The following DNAH7 variants were observed in gnomAD, a reference collection of about 807,000 sequenced individuals.
DNAH7 encodes dynein axonemal heavy chain 7, also known as axonemal beta dynein heavy chain 7.
Under a neutral mutation model 444.6 loss-of-function variants are expected in DNAH7, and 397 were observed. That is an observed-to-expected ratio of 0.89 (90% CI 0.82 to 0.97). DNAH7 has a LOEUF of 0.97. DNAH7 is among the 50% of genes least tolerant of loss of function. The pLI, the probability that DNAH7 is intolerant of heterozygous loss-of-function variation, is 0.00. For missense variants in DNAH7, 4,902 were observed against 4,800.8 expected (o/e 1.02, Z -0.62); for synonymous variants, 1,636 against 1,624.4 (o/e 1.01, Z -0.17).
At chr2:195,751,355 G>A (rs1480313647) in intron 63 of DNAH7, among the ~76,000 whole-genome samples, 3 of 152,038 alleles carry the variant, frequency 2.0e-5, no homozygotes, top group South Asian at 2.1e-4. Flanking sequence ...GGTTGGGTTC[G>A]AGTCCATACA....
intron 9 of DNAH7, among the ~76,000 whole-genome samples, chr2:196,013,568 G>T (rs1694841741): frequency 6.6e-6 from 1 of 152,078 alleles, no homozygotes; most frequent in Admixed American, 6.6e-5. Flanking sequence ...TTTCCTTAAA[G>T]ACCAATGTAA....
rs1238802725 is a variant in DNAH7, at chr2:196,000,784, T to C, written c.1273A>G (p.Ile425Val). Residue 425 changes from isoleucine to valine, a missense_variant, in exon 12 of 65, where the codon ATC becomes GTC. Transcript: ENST00000312428. ...ATGACGTCATAAACATTTAGAAAGA[T>C]ATCTATATAGTCACTCAACTCAGGT... ...FEPELSDYID[I>V]FLNVYDVMIK... 2.5e-6 allele frequency: 4 copies of C among 1,606,236 alleles called. No individual in the cohort carries two copies. The highest frequency in any genetic ancestry group is 2.2e-5 in the East Asian group (1 of 44,668).
At chr2:195,831,329 G>A (rs1451193461) in intron 48 of DNAH7, among the ~76,000 whole-genome samples, 1 of 152,124 alleles carries the variant, frequency 6.6e-6, no homozygotes, top group East Asian at 1.9e-4. Context: ...ATATAAAAAA[G>A]AAAAGTGAGA....
intron 36 of DNAH7, 23 bp from the exon 37 acceptor site, chr2:195,876,722 G>A (rs978826189): frequency 1.6e-5 from 23 of 1,478,494 alleles, no homozygotes; most frequent in Admixed American, 1.4e-4. Context: ...ATAATAAAAT[G>A]AGCCATAGTT....
intron 2 of DNAH7, among the ~76,000 whole-genome samples, chr2:196,052,250 G>A (rs890719433): frequency 6.6e-6 from 1 of 152,294 alleles, no homozygotes; most frequent in Middle Eastern, 3.4e-3. Flanking sequence ...GCTCTTCCAA[G>A]TTTGTTCCTT....
intron 17 of DNAH7, among the ~76,000 whole-genome samples, chr2:195,969,043 C>T (rs765849945): frequency 4.6e-5 from 7 of 152,224 alleles, no homozygotes; most frequent in Non-Finnish European, 7.3e-5. Flanking sequence ...ACTGTTTTTC[C>T]TGTTTTCAAT....
chr2:196,028,439 AAC>A (rs1695828342), intron 5 of DNAH7, among the ~76,000 whole-genome samples: 2 of 152,322 alleles, frequency 1.3e-5, no homozygotes, highest in East Asian at 1.9e-4. Flanking sequence ...AAGTACTTTA[AAC>A]ACAGTTTTGC....
intron 19 of DNAH7, among the ~76,000 whole-genome samples, chr2:195,956,018 T>C (rs1317968010): frequency 6.6e-6 from 1 of 152,142 alleles, no homozygotes; most frequent in Non-Finnish European, 1.5e-5. Flanking sequence ...ATAAAAAGAT[T>C]TGTTTCAGGT....
At chr2:195,857,746 T>C (rs774809434) in intron 43 of DNAH7, 23 bp from the exon 44 acceptor site, 65 of 1,535,718 alleles carry the variant, frequency 4.2e-5, no homozygotes, top group Admixed American at 1.5e-4. Context: ...ACGTTAATTA[T>C]TTTAAAAGAC....
rs943943280 is a variant in DNAH7, at chr2:196,053,540, G to T, written c.79-2291C>A. Among the ~76,000 whole-genome samples, 5 of 152,190 alleles carry T rather than the reference G, an allele frequency of 3.3e-5. 1 individual carries two copies. The highest frequency in any genetic ancestry group is 1.2e-4 in the African/African-American group (5 of 41,440). The stretch of plus-strand genomic sequence containing the variant: ...CAAACAGGATACATGAGAAGCAGGG[G>T]ACTAGAGTCAGCAGTGAGGCTAGTT... On this transcript the variant is annotated intron_variant, in intron 2 of 64. Coordinates refer to ENST00000312428, the MANE Select transcript of DNAH7 (RefSeq NM_018897.3).
chr2:195,800,930 C>T (rs183439899), intron 54 of DNAH7, among the ~76,000 whole-genome samples: 131 of 152,298 alleles, frequency 8.6e-4, no homozygotes, highest in African/African-American at 3.1e-3. Context: ...CAAATCTGTA[C>T]TCCCTTTACT....
chr2:196,009,381 C>T (rs773254458), intron 10 of DNAH7, among the ~76,000 whole-genome samples: 4 of 152,064 alleles, frequency 2.6e-5, no homozygotes, highest in Non-Finnish European at 4.4e-5. Context: ...AATAGCAATA[C>T]ATTGGGTACC....
chr2:195,949,276 C>CTTATTTATTTAT (rs543137766), intron 19 of DNAH7, among the ~76,000 whole-genome samples: 1 of 151,716 alleles, frequency 6.6e-6, no homozygotes, highest in Non-Finnish European at 1.5e-5. Context: ...TTGAATACCA[C>CTTATTTATTTAT]TTATTTATTT....
intron 49 of DNAH7, among the ~76,000 whole-genome samples, chr2:195,820,931 T>C (rs182923050): frequency 7.2e-5 from 11 of 152,360 alleles, no homozygotes; most frequent in East Asian, 5.8e-4. Context: ...TTATGTTTTA[T>C]TCCTCTCAAG....
chr2:195,924,693 C>T (rs1688224585), intron 22 of DNAH7, among the ~76,000 whole-genome samples: 1 of 236 alleles, frequency 4.2e-3, no homozygotes, highest in African/African-American at 6.0e-3. Context: ...CCTATGAGTC[C>T]CTCTAGTAAC....
intron 14 of DNAH7, 63 bp from the exon 15 acceptor site, chr2:195,984,773 C>A: frequency 7.3e-7 from 1 of 1,377,088 alleles, no homozygotes; most frequent in Non-Finnish European, 1.0e-6. Context: ...AAAATATATT[C>A]CTGTATACTG....
chr2:196,045,250 A>G (rs535894977), intron 5 of DNAH7, among the ~76,000 whole-genome samples: 1 of 150,986 alleles, frequency 6.6e-6, no homozygotes, highest in African/African-American at 2.4e-5. Flanking sequence ...GGAGGGAAGA[A>G]AAAGAAGAAG....
At chr2:195,994,814 G>T (rs902399834) in intron 12 of DNAH7, 1 of 445,054 alleles carries the variant, frequency 2.2e-6, no homozygotes, top group Non-Finnish European at 4.4e-6. Flanking sequence ...GTATAGCTTT[G>T]GATCAGTTCA....
intron 19 of DNAH7, among the ~76,000 whole-genome samples, chr2:195,948,135 G>A (rs1358329816): frequency 6.6e-6 from 1 of 152,008 alleles, no homozygotes; most frequent in Non-Finnish European, 1.5e-5. Context: ...ACTTTCTGAT[G>A]GGGTTGTTTT....
Sources: gnomAD v4.1 joint callset for allele counts (sites outside exome capture counted in the v4.1 genomes callset) on GRCh38, gnomAD v4.1.1 for gene constraint, MANE v1.5 for transcripts, NCBI Gene and HGNC (gene_info 2026-07-23, HGNC 2026-07-21) for gene names.